Variants in GPM6A observed in about 807,000 individuals in gnomAD.
The protein encoded by GPM6A is glycoprotein M6A, also known as neuronal membrane glycoprotein M6-a.
A neutral mutation model predicts 32.1 loss-of-function variants in GPM6A; 7 were observed. That is an observed-to-expected ratio of 0.22 (90% CI 0.12 to 0.41). The LOEUF is 0.41. Ranked by LOEUF, GPM6A falls within the 10% of genes least tolerant of loss-of-function variation. The pLI is 1.00. For missense variants in GPM6A, 235 were observed against 347.2 expected (o/e 0.68, Z 2.57); for synonymous variants, 130 against 123.4 (o/e 1.05, Z -0.35).
At chr4:175,703,548 T>C (rs1158059061) in intron 1 of GPM6A, among the ~76,000 whole-genome samples, 1 of 152,204 alleles carries the variant, frequency 6.6e-6, no homozygotes, top group African/African-American at 2.4e-5. Context: ...TCATGGTCAC[T>C]TTTGGTTTTT....
chr4:175,971,604 G>A (rs1740504316), intron 1 of GPM6A, among the ~76,000 whole-genome samples: 1 of 152,074 alleles, frequency 6.6e-6, no homozygotes, highest in Non-Finnish European at 1.5e-5. Context: ...CGGCATCAGG[G>A]GAGCCAACTG....
intron 1 of GPM6A, among the ~76,000 whole-genome samples, chr4:175,749,682 A>G (rs1366947939): frequency 6.6e-6 from 1 of 152,196 alleles, no homozygotes; most frequent in Non-Finnish European, 1.5e-5. Context: ...TTTCTGTAGG[A>G]CACCACTTAC....
At chr4:175,730,995 G>A (rs78763622) in intron 1 of GPM6A, among the ~76,000 whole-genome samples, 2 of 152,134 alleles carry the variant, frequency 1.3e-5, no homozygotes, top group Middle Eastern at 6.8e-3. Context: ...GCAGTCTGTC[G>A]GACCATCCTT....
rs75434922 is a variant in GPM6A at position 175,948,572 on chromosome 4, T to C, written c.-23+53737A>G. Among the ~76,000 whole-genome samples, 10 of 152,328 alleles carry C rather than the reference T, an allele frequency of 6.6e-5. No individual in the cohort carries two copies. The East Asian group carries it at 1.9e-3, about 29-fold the overall frequency. On this transcript the variant is annotated intron_variant, in intron 1 of 7. Coordinates refer to the GPM6A transcript ENST00000280187. Reference sequence around the variant, plus strand: ...TCTACCTCCTTTACATTGTTTGACTTTTGAATATTTGAACTCTAAAATTAT... The same window carrying C: ...TCTACCTCCTTTACATTGTTTGACTCTTGAATATTTGAACTCTAAAATTAT...
intron 1 of GPM6A, among the ~76,000 whole-genome samples, chr4:175,775,640 T>C (rs1346477922): frequency 6.6e-6 from 1 of 152,170 alleles, no homozygotes; most frequent in African/African-American, 2.4e-5. Flanking sequence ...TGCCTTGCTT[T>C]CATATTCCCT....
intron 3 of GPM6A, 96 bp downstream of exon 3, chr4:175,673,582 GAA>G (rs201536295): frequency 2.5e-6 from 2 of 799,544 alleles, no homozygotes; most frequent in Non-Finnish European, 3.8e-6. Context: ...GTTACTGTGT[GAA>G]AAAAAAATAC....
intron 1 of GPM6A, among the ~76,000 whole-genome samples, chr4:175,746,651 C>T (rs1011233489): frequency 1.3e-5 from 2 of 151,970 alleles, no homozygotes; most frequent in African/African-American, 4.8e-5. Context: ...TCATTTTTGT[C>T]CAAGGACTTT....
At position 175,980,481 on chromosome 4, in the gene GPM6A, C is replaced by CGTCA. The variant is rs541657076; in HGVS notation, c.-23+21827_-23+21828insTGAC. Among the ~76,000 whole-genome samples the CGTCA allele has an allele frequency of 4.4e-4, 67 of 152,306 alleles. No homozygotes were observed. The East Asian group carries it at 0.012, about 26-fold the overall frequency. Reference sequence around the variant, plus strand: ...GAAGTATGACTATTTAGCTTGCTTTCTGACACGGGCCTTATTATTAGTTTT... The same window carrying CGTCA: ...GAAGTATGACTATTTAGCTTGCTTTCGTCATGACACGGGCCTTATTATTAGTTTT... On this transcript the variant is annotated intron_variant, in intron 1 of 7. Coordinates refer to the GPM6A transcript ENST00000280187.
intron 1 of GPM6A, among the ~76,000 whole-genome samples, chr4:175,805,023 G>A (rs993390895): frequency 6.6e-6 from 1 of 152,006 alleles, no homozygotes; most frequent in Non-Finnish European, 1.5e-5. Flanking sequence ...CAGCCTGGGC[G>A]ATGAGCGAGA....
chr4:175,863,703 A>G (rs1736642508), intron 1 of GPM6A, among the ~76,000 whole-genome samples: 1 of 152,232 alleles, frequency 6.6e-6, no homozygotes, highest in African/African-American at 2.4e-5. Context: ...AGCAATGTAT[A>G]AAAGTTCCAT....
chr4:175,681,036 T>C (rs1743654999), intron 2 of GPM6A, among the ~76,000 whole-genome samples: 1 of 152,228 alleles, frequency 6.6e-6, no homozygotes, highest in South Asian at 2.1e-4. Context: ...ATTGATATCT[T>C]ACAGTTAGAA....
At chr4:175,810,800 AG>A (rs1734888427) in intron 1 of GPM6A, among the ~76,000 whole-genome samples, 1 of 152,184 alleles carries the variant, frequency 6.6e-6, no homozygotes, top group Non-Finnish European at 1.5e-5. Flanking sequence ...ATGTCTTGTA[AG>A]AACAGAAATT....
intron 1 of GPM6A, among the ~76,000 whole-genome samples, chr4:175,835,555 C>T (rs1463798015): frequency 4.0e-5 from 6 of 150,392 alleles, no homozygotes; most frequent in East Asian, 3.9e-4. Flanking sequence ...CCAAGAAGCG[C>T]CAATATTGAC....
intron 2 of GPM6A, among the ~76,000 whole-genome samples, chr4:175,685,078 A>G (rs1743904190): frequency 6.6e-6 from 1 of 151,826 alleles, no homozygotes; most frequent in Admixed American, 6.6e-5. Flanking sequence ...TTTAGTAGAG[A>G]CGGGGTTTCA....
intron 1 of GPM6A, among the ~76,000 whole-genome samples, chr4:175,859,609 G>A (rs947434255): frequency 3.3e-5 from 5 of 152,252 alleles, no homozygotes; most frequent in Non-Finnish European, 7.4e-5. Flanking sequence ...ACAGAAGCAA[G>A]AGCCAAATGA....
At chr4:175,894,723 G>A (rs1737745321) in intron 1 of GPM6A, among the ~76,000 whole-genome samples, 2 of 152,056 alleles carry the variant, frequency 1.3e-5, no homozygotes, top group Admixed American at 1.3e-4. Context: ...GTCAAAAGGG[G>A]AGTGGCTAAA....
chr4:175,768,626 GTTCATT>G (rs1733066352), intron 1 of GPM6A, among the ~76,000 whole-genome samples: 1 of 152,042 alleles, frequency 6.6e-6, no homozygotes, highest in Non-Finnish European at 1.5e-5. Context: ...TGCCTAGAAA[GTTCATT>G]TGCTCCTTAT....
chr4:175,890,184 T>G (rs945615850), intron 1 of GPM6A, among the ~76,000 whole-genome samples: 1 of 152,210 alleles, frequency 6.6e-6, no homozygotes, highest in Non-Finnish European at 1.5e-5. Context: ...AAACAAACTC[T>G]GCAACAATGC....
chr4:175,825,199 T>A (rs1735395903), intron 1 of GPM6A, among the ~76,000 whole-genome samples: 1 of 152,178 alleles, frequency 6.6e-6, no homozygotes, highest in Non-Finnish European at 1.5e-5. Context: ...AATGTTAAAG[T>A]CACACAAGCC....
Sources: allele counts gnomAD v4.1 joint callset (sites outside exome capture counted in the v4.1 genomes callset), GRCh38; gene constraint gnomAD v4.1.1; transcripts MANE v1.5; gene names NCBI Gene and HGNC (gene_info 2026-07-23, HGNC 2026-07-21).